The following PCDH15 variants were observed in gnomAD, a reference collection of about 807,000 sequenced individuals.
PCDH15 encodes the protein protocadherin-15.
PCDH15 carries 129 observed loss-of-function variants against 178.5 expected under a neutral mutation model. The ratio of observed to expected loss-of-function variants is 0.72; its 90% CI spans 0.63 to 0.84. The LOEUF is 0.84. Among genes scored for constraint, PCDH15 ranks in the 40% least tolerant of loss-of-function variants. The pLI is 0.00. For synonymous variants in PCDH15, 800 were observed against 732.0 expected (o/e 1.09, Z -1.50); for missense variants, 2,230 against 2,099.9 (o/e 1.06, Z -1.21).
chr10:54,792,829 C>G (rs1457638123), intron 1 of PCDH15, among the ~76,000 whole-genome samples: 1 of 151,806 alleles, frequency 6.6e-6, no homozygotes. Flanking sequence ...CTCCAGAGAA[C>G]CCTGACAAAT....
chr10:54,793,803 T>G (rs1951678925), intron 1 of PCDH15, among the ~76,000 whole-genome samples: 1 of 148,976 alleles, frequency 6.7e-6, no homozygotes, highest in African/African-American at 2.4e-5. Flanking sequence ...TAACCAAATG[T>G]TAAATAGCGT....
intron 2 of PCDH15, among the ~76,000 whole-genome samples, chr10:55,550,057 A>G (rs917129438): frequency 1.9e-4 from 29 of 151,928 alleles, no homozygotes; most frequent in African/African-American, 6.5e-4. Flanking sequence ...CTATGTACAA[A>G]TTCATATCTA....
chr10:53,838,690 G>A (rs1422072947), intron 29 of PCDH15, among the ~76,000 whole-genome samples: 3 of 152,158 alleles, frequency 2.0e-5, no homozygotes, highest in Admixed American at 6.5e-5. Flanking sequence ...TCTGACAATC[G>A]AAAGAATATA....
Position 54,236,943 on chromosome 10 carries a change from A to T in PCDH15, c.877-12T>A. 1 of 1,596,824 alleles carries T rather than the reference A, an allele frequency of 6.3e-7. No individual in the cohort carries two copies. The highest frequency in any genetic ancestry group is 8.6e-7 in the Non-Finnish European group (1 of 1,164,406). The stretch of plus-strand genomic sequence containing the variant: ...GGGTTCAGTTCTTCCTGAAAAAAAA[A>T]TTAAGAGAGTTTCATTCAGCCGCAT... On this transcript the variant is annotated splice_polypyrimidine_tract_variant and intron_variant, in intron 8 of 37. Coordinates refer to ENST00000644397, the MANE Select transcript of PCDH15 (RefSeq NM_001384140.1).
chr10:54,349,769 G>T (rs139086214), intron 5 of PCDH15, among the ~76,000 whole-genome samples: 5 of 152,190 alleles, frequency 3.3e-5, no homozygotes, highest in Middle Eastern at 3.4e-3. Flanking sequence ...GCCTACCAAA[G>T]ATTGATAATA....
intron 1 of PCDH15, among the ~76,000 whole-genome samples, chr10:55,240,939 G>A (rs538523364): frequency 3.3e-5 from 5 of 152,244 alleles, no homozygotes; most frequent in East Asian, 3.9e-4. Flanking sequence ...TTTTAAGACC[G>A]GGCACGGTGG....
At chr10:55,560,791 CT>C (rs940963231) in intron 2 of PCDH15, among the ~76,000 whole-genome samples, 6 of 151,708 alleles carry the variant, frequency 4.0e-5, no homozygotes, top group African/African-American at 1.5e-4. Context: ...TTAATATATC[CT>C]TTTTAGCCAA....
intron 2 of PCDH15, among the ~76,000 whole-genome samples, chr10:55,505,682 C>G (rs890018205): frequency 1.3e-5 from 2 of 151,386 alleles, no homozygotes; most frequent in Non-Finnish European, 3.0e-5. Context: ...ATGTATCAGG[C>G]AATGTTGTAA....
intron 26 of PCDH15, among the ~76,000 whole-genome samples, chr10:53,891,920 G>T (rs1165394583): frequency 6.6e-6 from 1 of 151,048 alleles, no homozygotes; most frequent in Non-Finnish European, 1.5e-5. Flanking sequence ...AGTGAGCCGA[G>T]ATCATGCCAA....
At chr10:55,374,084 TATA>T (rs71461295) in intron 2 of PCDH15, among the ~76,000 whole-genome samples, 7,263 of 143,866 alleles carry the variant, frequency 0.05, 334 homozygotes, top group African/African-American at 0.12. Flanking sequence ...GAACTTAAAG[TATA>T]ATAATAATAA....
At chr10:54,837,769 T>C (rs1414037806) in intron 3 of PCDH15, among the ~76,000 whole-genome samples, 1 of 152,044 alleles carries the variant, frequency 6.6e-6, no homozygotes, top group East Asian at 1.9e-4. Flanking sequence ...AGCTTTGGAA[T>C]CGAGATACAA....
intron 3 of PCDH15, among the ~76,000 whole-genome samples, chr10:54,838,490 T>C (rs923752400): frequency 6.6e-6 from 1 of 152,174 alleles, no homozygotes; most frequent in Non-Finnish European, 1.5e-5. Context: ...TGGAGAACTG[T>C]GAGTCCATTA....
intron 3 of PCDH15, among the ~76,000 whole-genome samples, chr10:54,855,130 C>G (rs140736102): frequency 1.3e-5 from 2 of 152,338 alleles, no homozygotes; most frequent in East Asian, 3.9e-4. Flanking sequence ...AAGAACAAAG[C>G]AAGTACCAAC....
intron 2 of PCDH15, among the ~76,000 whole-genome samples, chr10:54,920,775 T>C (rs111290794): frequency 1.4e-4 from 22 of 152,256 alleles, no homozygotes; most frequent in African/African-American, 4.6e-4. Flanking sequence ...CTTTTAGTAA[T>C]TATGCAGTTG....
chr10:54,380,767 TAC>T (rs1417570186), intron 3 of PCDH15, among the ~76,000 whole-genome samples: 14 of 134,722 alleles, frequency 1.0e-4, no homozygotes, highest in African/African-American at 4.1e-4. Context: ...TGCGAGCAGA[TAC>T]ACTAAGGGAA....
intron 2 of PCDH15, among the ~76,000 whole-genome samples, chr10:55,065,596 C>A (rs1312386927): frequency 6.6e-6 from 1 of 152,036 alleles, no homozygotes; most frequent in East Asian, 1.9e-4. Flanking sequence ...AGAGTAGATA[C>A]TGTTTCCTTA....
At chr10:55,032,142 T>C (rs1840627176) in intron 2 of PCDH15, among the ~76,000 whole-genome samples, 1 of 152,162 alleles carries the variant, frequency 6.6e-6, no homozygotes, top group African/African-American at 2.4e-5. Context: ...TAAGTGGTCA[T>C]GACTAGAATA....
chr10:54,224,599 C>T (rs2053226907), intron 9 of PCDH15, among the ~76,000 whole-genome samples: 1 of 152,074 alleles, frequency 6.6e-6, no homozygotes, highest in Non-Finnish European at 1.5e-5. Context: ...ATTAAATTCA[C>T]CTGCTACCCC....
At chr10:54,862,515 C>T (rs1426253851) in intron 3 of PCDH15, among the ~76,000 whole-genome samples, 1 of 152,064 alleles carries the variant, frequency 6.6e-6, no homozygotes. Flanking sequence ...GCTTGTCCCT[C>T]CCAAAACTCA....
Sources: gnomAD v4.1 joint callset for allele counts (sites outside exome capture counted in the v4.1 genomes callset) on GRCh38, gnomAD v4.1.1 for gene constraint, MANE v1.5 for transcripts, NCBI Gene and HGNC (gene_info 2026-07-23, HGNC 2026-07-21) for gene names.